Variants in GFPT1 observed in about 807,000 individuals in gnomAD.
GFPT1 encodes glutamine--fructose-6-phosphate aminotransferase [isomerizing] 1.
In GFPT1, 40 loss-of-function variants were observed where a neutral mutation model predicts 92.0. That is an observed-to-expected ratio of 0.43 (90% CI 0.34 to 0.57). The LOEUF (loss-of-function observed/expected upper bound fraction) is 0.57, where lower values mean the gene tolerates loss of function less well. Among genes scored for constraint, GFPT1 ranks in the 20% least tolerant of loss-of-function variants. The pLI, the probability that GFPT1 is intolerant of heterozygous loss-of-function variation, is 0.02. For missense variants in GFPT1, 448 were observed against 869.1 expected, an observed-to-expected ratio of 0.52 and a Z score of 6.09; for synonymous variants, 269 against 280.6, an observed-to-expected ratio of 0.96 and a Z score of 0.41.
chr2:69,350,598 T>C (rs896844292), intron 9 of GFPT1, among the ~76,000 whole-genome samples: 2 of 152,058 alleles, frequency 1.3e-5, no homozygotes, highest in Admixed American at 6.6e-5. Flanking sequence ...ATTTAAAATA[T>C]CAAAATTGTG....
chr2:69,343,661 C>CTTGGCCTCCCAAAGTGCTGGGATTACA, intron 12 of GFPT1, among the ~76,000 whole-genome samples: 1 of 151,942 alleles, frequency 6.6e-6, no homozygotes, highest in Non-Finnish European at 1.5e-5. Context: ...ATCCACCCAC[C>CTTGGCCTCCCAAAGTGCTGGGATTACA]TTGGCCTCCC....
intron 3 of GFPT1, among the ~76,000 whole-genome samples, chr2:69,364,643 G>A (rs1038242246): frequency 6.6e-6 from 1 of 152,222 alleles, no homozygotes; most frequent in Non-Finnish European, 1.5e-5. Context: ...ACCGAGCAAT[G>A]CTATGAAAGT....
chr2:69,386,395 T>C (rs1254294384), intron 1 of GFPT1, among the ~76,000 whole-genome samples: 2 of 152,238 alleles, frequency 1.3e-5, no homozygotes, highest in African/African-American at 4.8e-5. Context: ...TTTTCAGAGC[T>C]GGCATTTTTA....
rs1433872264 is a variant in GFPT1 at position 69,368,308 on chromosome 2, G to C, written c.223+1693C>G. ...TGAGGCAGGAGAATGGCGTGAACCAGGAAGCAGAGGTTGCAGTGAACCGAG... is the reference window on the plus strand; with the variant it reads ...TGAGGCAGGAGAATGGCGTGAACCACGAAGCAGAGGTTGCAGTGAACCGAG... On this transcript the variant is annotated intron_variant, in intron 3 of 19. Transcript: ENST00000357308. Among the ~76,000 whole-genome samples the C allele has an allele frequency of 7.2e-5, 11 of 152,296 alleles. No individual in the cohort carries two copies. In the East Asian group the frequency reaches 2.1e-3, roughly 29 times the overall value.
intron 1 of GFPT1, among the ~76,000 whole-genome samples, chr2:69,377,504 A>ATT (rs1558783139): frequency 6.5e-4 from 99 of 151,316 alleles, no homozygotes; most frequent in African/African-American, 2.3e-3. Flanking sequence ...AAAATAAAAA[A>ATT]AAAAAAATAG....
chr2:69,333,883 C>T (rs1474023446), intron 15 of GFPT1, among the ~76,000 whole-genome samples: 2 of 152,168 alleles, frequency 1.3e-5, no homozygotes, highest in African/African-American at 4.8e-5. Context: ...TTTGGCTGGG[C>T]GCGGTGGCTT....
At chr2:69,358,035 G>C (rs1371704316) in intron 6 of GFPT1, among the ~76,000 whole-genome samples, 1 of 152,142 alleles carries the variant, frequency 6.6e-6, no homozygotes, top group African/African-American at 2.4e-5. Flanking sequence ...ACATGTCCAC[G>C]TGTGGTGCAT....
At chr2:69,377,456 C>A (rs1358645736) in intron 1 of GFPT1, among the ~76,000 whole-genome samples, 1 of 146,176 alleles carries the variant, frequency 6.8e-6, no homozygotes, top group Non-Finnish European at 1.5e-5. Context: ...CAAGACCAGC[C>A]TAACCAACAT....
chr2:69,381,109 A>T (rs968699868), intron 1 of GFPT1, among the ~76,000 whole-genome samples: 4 of 151,776 alleles, frequency 2.6e-5, no homozygotes, highest in Non-Finnish European at 4.4e-5. Flanking sequence ...CCTCTTGAGC[A>T]GCAGCTGGGA....
intron 4 of GFPT1, among the ~76,000 whole-genome samples, chr2:69,359,782 C>A (rs1474951754): frequency 6.6e-6 from 1 of 152,128 alleles, no homozygotes; most frequent in African/African-American, 2.4e-5. Flanking sequence ...CTGATTTACA[C>A]TAAATGAATT....
intron 1 of GFPT1, 45 bp downstream of exon 1, chr2:69,387,020 C>T (rs958295266): frequency 6.9e-7 from 1 of 1,442,362 alleles, no homozygotes; most frequent in African/African-American, 1.4e-5. Flanking sequence ...CGCACCGCAC[C>T]CCAGCGCCAC....
Position 69,387,162 on chromosome 2 carries a change from C to T in GFPT1, c.-91G>A. 2 of 1,410,622 alleles carry T rather than the reference C, an allele frequency of 1.4e-6. No homozygotes were observed. The highest frequency in any genetic ancestry group is 1.9e-6 in the Non-Finnish European group (2 of 1,065,002). 87.4% of individuals were successfully genotyped at this position (1,410,622 alleles called of 1,614,324 possible). A position where few individuals can be genotyped will look rare whatever the true frequency, so the allele number is the denominator to read the frequency against. On this transcript the variant is annotated 5_prime_UTR_variant, in exon 1 of 20. Transcript: ENST00000357308. ...AGCTTCGGTGGGCAATCTGCGGGCT[C>T]GGGGGCCGGGGTGGCGCCGACACGA...
chr2:69,351,425 T>C (rs1023972488), intron 9 of GFPT1, among the ~76,000 whole-genome samples: 1 of 152,162 alleles, frequency 6.6e-6, no homozygotes. Context: ...ATGGACACAA[T>C]AGCCAGAGAA....
intron 2 of GFPT1, among the ~76,000 whole-genome samples, chr2:69,372,617 T>C (rs1671778666): frequency 6.6e-6 from 1 of 150,982 alleles, no homozygotes; most frequent in African/African-American, 2.4e-5. Context: ...GAGCTGTAAG[T>C]AGAAGAAAGG....
At chr2:69,356,378 G>A (rs1395966636) in intron 7 of GFPT1, 118 bp downstream of exon 7, 2 of 793,254 alleles carry the variant, frequency 2.5e-6, no homozygotes, top group East Asian at 2.4e-5. Flanking sequence ...ATGCTCACAT[G>A]AATATATCTA....
intron 17 of GFPT1, among the ~76,000 whole-genome samples, chr2:69,328,700 C>G: frequency 2.0e-5 from 2 of 99,950 alleles, no homozygotes; most frequent in Admixed American, 1.9e-4. Flanking sequence ...TCTGGTTAAC[C>G]CTTTTTTTTT....
At chr2:69,365,709 G>A (rs992207500) in intron 3 of GFPT1, among the ~76,000 whole-genome samples, 6 of 152,062 alleles carry the variant, frequency 3.9e-5, no homozygotes, top group African/African-American at 9.7e-5. Flanking sequence ...GCTTAACTGT[G>A]TTCTAAGTAA....
chr2:69,338,438 A>T lies in GFPT1; in HGVS notation c.1324+7T>A. ...TCCTTCCTTTTAAGTCTTTAAAATT[A>T]ACACACCTGATTGACTAAGGAAAAA... On this transcript the variant is annotated splice_region_variant and intron_variant, in intron 14 of 19. Coordinates refer to ENST00000357308, the MANE Select transcript of GFPT1 (RefSeq NM_001244710.2). 1 of 1,610,400 alleles carries T rather than the reference A, an allele frequency of 6.2e-7. No individual in the cohort carries two copies. The highest frequency in any genetic ancestry group is 8.5e-7 in the Non-Finnish European group (1 of 1,176,684).
intron 4 of GFPT1, among the ~76,000 whole-genome samples, chr2:69,361,683 T>C (rs1027752771): frequency 2.0e-5 from 3 of 152,082 alleles, no homozygotes; most frequent in African/African-American, 7.2e-5. Flanking sequence ...TGAATTAAAC[T>C]AAAAATCAGC....
Sources: allele counts gnomAD v4.1 joint callset (sites outside exome capture counted in the v4.1 genomes callset), GRCh38; gene constraint gnomAD v4.1.1; transcripts MANE v1.5; gene names NCBI Gene and HGNC (gene_info 2026-07-23, HGNC 2026-07-21).